Variants in MYRIP observed in about 807,000 individuals in gnomAD.
The protein encoded by MYRIP is rab effector MyRIP.
In MYRIP, 49 loss-of-function variants were observed where a neutral mutation model predicts 98.0. That is an observed-to-expected ratio of 0.50 (90% CI 0.40 to 0.63). MYRIP has a LOEUF of 0.63. Among genes scored for constraint, MYRIP ranks in the 30% least tolerant of loss-of-function variants. The probability of loss-of-function intolerance (pLI) is 0.00; values close to 1 mark genes in which losing one functional copy is unlikely to be tolerated. For missense variants in MYRIP, 1,004 were observed against 1,058.2 expected, an observed-to-expected ratio of 0.95 and a Z score of 0.71; for synonymous variants, 404 against 409.5, an observed-to-expected ratio of 0.99 and a Z score of 0.16.
intron 3 of MYRIP, among the ~76,000 whole-genome samples, chr3:40,082,412 A>G (rs1948498074): frequency 6.6e-6 from 1 of 152,240 alleles, no homozygotes; most frequent in African/African-American, 2.4e-5. Context: ...CAGTCTGAGA[A>G]GTCTACATTC....
At position 39,936,279 on chromosome 3, in the gene MYRIP, G is replaced by C. The variant is rs1029520022; in HGVS notation, c.110+35353G>C. Reference sequence around the variant, plus strand: ...TTCTCAGGAATTCTAATTTCTTTCTGAATCCTCAAGATTAATATTTGTGGA... The same window carrying C: ...TTCTCAGGAATTCTAATTTCTTTCTCAATCCTCAAGATTAATATTTGTGGA... On this transcript the variant is annotated intron_variant, in intron 2 of 16. Coordinates refer to ENST00000302541, the MANE Select transcript of MYRIP (RefSeq NM_015460.4). Among the ~76,000 whole-genome samples, 6 of 152,170 alleles carry C rather than the reference G, an allele frequency of 3.9e-5. No individual in the cohort carries two copies. The East Asian group carries it at 1.2e-3, about 29-fold the overall frequency.
Position 40,090,934 on chromosome 3 carries a change from C to T in MYRIP, c.332+46663C>T, listed in dbSNP as rs533816369. 1.8e-3 allele frequency among the ~76,000 whole-genome samples: 272 copies of T among 152,228 alleles called. 1 individual carries two copies. Among genetic ancestry groups the T allele is most frequent in the African/African-American group, 6.3e-3 (262 of 41,542 alleles). ...GGGATCTTCAAGAAGCAGAGGATGC[C>T]GTTTCTTTCTTTCAGTCATGGTTTC... On this transcript the variant is annotated intron_variant, in intron 3 of 16. Coordinates refer to ENST00000302541, the MANE Select transcript of MYRIP (RefSeq NM_015460.4).
chr3:40,166,781 G>T (rs1559430360), intron 5 of MYRIP, 65 bp from the exon 6 acceptor site: 2 of 1,116,484 alleles, frequency 1.8e-6, no homozygotes, highest in Non-Finnish European at 1.4e-6. Context: ...AAGCAGAAGA[G>T]CTTGAACAAT....
intron 3 of MYRIP, among the ~76,000 whole-genome samples, chr3:40,146,464 G>C (rs1392880706): frequency 6.6e-6 from 1 of 152,172 alleles, no homozygotes; most frequent in African/African-American, 2.4e-5. Flanking sequence ...ATTGAAGTCA[G>C]TAACAATTTA....
chr3:39,898,767 T>G (rs1184840006), intron 1 of MYRIP, among the ~76,000 whole-genome samples: 1 of 152,210 alleles, frequency 6.6e-6, no homozygotes. Flanking sequence ...ATGTATAAAC[T>G]AGAGCATCTG....
chr3:39,842,613 G>T (rs1941836313), intron 1 of MYRIP, among the ~76,000 whole-genome samples: 1 of 152,214 alleles, frequency 6.6e-6, no homozygotes, highest in Non-Finnish European at 1.5e-5. Flanking sequence ...GAATCTCCTT[G>T]TCTGTGAATT....
intron 5 of MYRIP, among the ~76,000 whole-genome samples, chr3:40,164,367 C>G (rs1950461592): frequency 6.6e-6 from 1 of 152,152 alleles, no homozygotes; most frequent in Non-Finnish European, 1.5e-5. Flanking sequence ...GACTGGCAAG[C>G]CCCAACATAC....
chr3:39,859,581 G>C (rs1315581889), intron 1 of MYRIP, among the ~76,000 whole-genome samples: 1 of 152,134 alleles, frequency 6.6e-6, no homozygotes, highest in African/African-American at 2.4e-5. Context: ...GAAAATCGCA[G>C]AAGAATAACT....
chr3:40,228,654 G>A (rs1207558178), intron 11 of MYRIP, among the ~76,000 whole-genome samples: 2 of 152,164 alleles, frequency 1.3e-5, no homozygotes, highest in Non-Finnish European at 2.9e-5. Flanking sequence ...ATAGGTGTTG[G>A]AACAGCCCCT....
chr3:40,073,845 C>T (rs1269759278), intron 3 of MYRIP, among the ~76,000 whole-genome samples: 1 of 152,186 alleles, frequency 6.6e-6, no homozygotes, highest in Non-Finnish European at 1.5e-5. Flanking sequence ...CCAGGGGCTC[C>T]CCCTACTGCT....
chr3:40,241,334 T>A (rs1317313714), intron 12 of MYRIP, among the ~76,000 whole-genome samples: 2 of 152,148 alleles, frequency 1.3e-5, no homozygotes, highest in African/African-American at 4.8e-5. Flanking sequence ...TTGGTCCTCT[T>A]TCTTAAAGTT....
intron 2 of MYRIP, among the ~76,000 whole-genome samples, chr3:39,914,037 T>G (rs541396418): frequency 6.6e-6 from 1 of 152,220 alleles, no homozygotes; most frequent in African/African-American, 2.4e-5. Context: ...TCAGATGAGA[T>G]GCTGCATGGT....
At chr3:39,974,088 AT>A (rs1559543684) in intron 2 of MYRIP, among the ~76,000 whole-genome samples, 1 of 137,626 alleles carries the variant, frequency 7.3e-6, no homozygotes, top group African/African-American at 2.5e-5. Context: ...AAAAAACCCT[AT>A]AAAAAAATCA....
At chr3:40,178,064 C>T (rs1474851910) in intron 8 of MYRIP, among the ~76,000 whole-genome samples, 2 of 152,196 alleles carry the variant, frequency 1.3e-5, no homozygotes, top group African/African-American at 4.8e-5. Flanking sequence ...GTTACGTATA[C>T]ATATGACCAC....
intron 2 of MYRIP, among the ~76,000 whole-genome samples, chr3:39,913,183 C>T (rs1599902): frequency 0.44 from 67,271 of 152,008 alleles, 15,128 homozygotes; most frequent in East Asian, 0.54. Flanking sequence ...AAGAGCCCTA[C>T]TTATTTTTCA....
At chr3:40,100,793 A>G (rs1470617524) in intron 3 of MYRIP, among the ~76,000 whole-genome samples, 1 of 152,218 alleles carries the variant, frequency 6.6e-6, no homozygotes, top group South Asian at 2.1e-4. Context: ...TCATTGTGTA[A>G]GCATGGATTT....
At chr3:39,968,207 T>C (rs1339543562) in intron 2 of MYRIP, among the ~76,000 whole-genome samples, 1 of 146,264 alleles carries the variant, frequency 6.8e-6, no homozygotes, top group Non-Finnish European at 1.5e-5. Context: ...TAGTTTTGGG[T>C]TTCACATTTA....
intron 3 of MYRIP, among the ~76,000 whole-genome samples, chr3:40,091,127 G>A (rs1049621085): frequency 9.2e-5 from 14 of 152,198 alleles, no homozygotes; most frequent in African/African-American, 3.4e-4. Flanking sequence ...TGTGGCTCTG[G>A]AGCCTTCATT....
intron 3 of MYRIP, among the ~76,000 whole-genome samples, chr3:40,115,243 T>C (rs960241446): frequency 2.6e-5 from 4 of 152,216 alleles, no homozygotes; most frequent in Admixed American, 6.5e-5. Flanking sequence ...AGTTTAAAAA[T>C]AAAATTAGTA....
Sources: gnomAD v4.1 joint callset for allele counts (sites outside exome capture counted in the v4.1 genomes callset) on GRCh38, gnomAD v4.1.1 for gene constraint, MANE v1.5 for transcripts, NCBI Gene and HGNC (gene_info 2026-07-23, HGNC 2026-07-21) for gene names.